Variants in CUL5 observed in about 807,000 individuals in gnomAD.
The protein encoded by CUL5 is cullin 5.
In CUL5, 26 loss-of-function variants were observed where a neutral mutation model predicts 108.8. The observed-to-expected ratio is 0.24, with a 90% CI of 0.18 to 0.33. The LOEUF (loss-of-function observed/expected upper bound fraction) is 0.33, where lower values mean the gene tolerates loss of function less well. Ranked by LOEUF, CUL5 falls within the 10% of genes least tolerant of loss-of-function variation. The pLI, the probability that CUL5 is intolerant of heterozygous loss-of-function variation, is 1.00. For synonymous variants in CUL5, 334 were observed against 298.0 expected (o/e 1.12, Z -1.25); for missense variants, 524 against 909.2 (o/e 0.58, Z 5.45).
chr11:108,094,529 T>C lies in CUL5; in HGVS notation c.1567+15T>C. The C allele has an allele frequency of 7.9e-7, 1 of 1,260,286 alleles. No individual in the cohort carries two copies. The allele number at this position is 1,260,286 out of a possible 1,614,324, so 78.1% of individuals were successfully genotyped here. A position where few individuals can be genotyped will look rare whatever the true frequency, so the allele number is the denominator to read the frequency against. ...GGCATTACCAGGTATTATTTTATAA[T>C]TACATGTATATATTTTTTAAACTTA... is the stretch of plus-strand genomic sequence containing the variant. On this transcript the variant is annotated intron_variant, in intron 14 of 18. Coordinates refer to ENST00000393094, the MANE Select transcript of CUL5 (RefSeq NM_003478.6).
intron 11 of CUL5, among the ~76,000 whole-genome samples, chr11:108,081,711 T>C (rs978274855): frequency 1.5e-4 from 23 of 151,242 alleles, no homozygotes; most frequent in Non-Finnish European, 3.4e-4. Flanking sequence ...GAGATGGCGC[T>C]ACTGCACTCC....
At chr11:108,055,066 G>A in intron 7 of CUL5, 111 bp downstream of exon 7, 2 of 843,312 alleles carry the variant, frequency 2.4e-6, no homozygotes, top group Non-Finnish European at 3.6e-6. Context: ...ATTGTTAATT[G>A]ATTTTAGTTC....
chr11:108,054,560 T>C, intron 5 of CUL5, 87 bp from the exon 6 acceptor site: 1 of 890,230 alleles, frequency 1.1e-6, no homozygotes, highest in Non-Finnish European at 1.7e-6. Flanking sequence ...TTGCACATAA[T>C]GACTCCTCAA....
At position 108,085,659 on chromosome 11, in the gene CUL5, G is replaced by C. The variant is rs1864202422; in HGVS notation, c.1179-2868G>C. Among the ~76,000 whole-genome samples the C allele has an allele frequency of 2.0e-5, 3 of 152,170 alleles. No homozygotes were observed. In the South Asian group the frequency reaches 6.2e-4, roughly 32 times the overall value. On this transcript the variant is annotated intron_variant, in intron 11 of 18. Transcript: ENST00000393094. ...ATGCTGTGACACATGGATGAATCTT[G>C]AAAACTTGATGCTAAGTAAAAGAAG...
intron 11 of CUL5, among the ~76,000 whole-genome samples, chr11:108,082,326 G>A (rs1864108710): frequency 6.6e-6 from 1 of 150,512 alleles, no homozygotes; most frequent in African/African-American, 2.4e-5. Flanking sequence ...TGTCACCGAG[G>A]CTGGAGTGCA....
intron 8 of CUL5, among the ~76,000 whole-genome samples, 153 bp from the exon 9 acceptor site, chr11:108,072,178 CA>C (rs977479083): frequency 6.6e-6 from 1 of 151,710 alleles, no homozygotes; most frequent in Non-Finnish European, 1.5e-5. Flanking sequence ...GACCCTGTCT[CA>C]AAAACAAAAA....
intron 7 of CUL5, among the ~76,000 whole-genome samples, chr11:108,063,893 A>G (rs1027749227): frequency 1.3e-5 from 2 of 152,116 alleles, no homozygotes; most frequent in Non-Finnish European, 2.9e-5. Context: ...TCTCACCAAT[A>G]TTTGTTATTG....
chr11:108,094,487 C>A lies in CUL5; in HGVS notation c.1540C>A (p.His514Asn). Residue 514 changes from histidine to asparagine, a missense_variant, in exon 14 of 19, where the codon CAC becomes AAC. Physicochemically the swap from His to Asn is moderately conservative, Grantham distance 68 (BLOSUM62 1). Transcript: ENST00000393094. ...EDLNQAFKEM[H>N]KNNKLALPAD... The stretch of plus-strand genomic sequence containing the variant: ...TTTGAACCAAGCTTTTAAGGAAATG[C>A]ACAAAAATAATAAATTGGCATTACC... The A allele has an allele frequency of 6.8e-7, 1 of 1,481,176 alleles. No individual in the cohort carries two copies. The allele number at this position is 1,481,176 out of a possible 1,614,324, so 91.8% of individuals were successfully genotyped here.
intron 11 of CUL5, among the ~76,000 whole-genome samples, chr11:108,086,080 G>T (rs2135218591): frequency 6.6e-6 from 1 of 152,198 alleles, no homozygotes; most frequent in South Asian, 2.1e-4. Context: ...ATATATAATT[G>T]GAGTCATAGA....
At chr11:108,073,119 G>A (rs1192425143) in intron 9 of CUL5, among the ~76,000 whole-genome samples, 2 of 151,490 alleles carry the variant, frequency 1.3e-5, no homozygotes, top group East Asian at 2.0e-4. Flanking sequence ...GGAGAATGGC[G>A]TGAACCCAGG....
At chr11:108,019,411 G>A (rs148917798) in intron 1 of CUL5, among the ~76,000 whole-genome samples, 4 of 152,130 alleles carry the variant, frequency 2.6e-5, no homozygotes, top group South Asian at 2.1e-4. Context: ...TCTAAAATAC[G>A]ACAACTGAGT....
chr11:108,040,786 A>G (rs1023295697), intron 2 of CUL5, among the ~76,000 whole-genome samples: 2 of 152,136 alleles, frequency 1.3e-5, no homozygotes, highest in African/African-American at 4.8e-5. Flanking sequence ...CTCAACAAAA[A>G]AAAAAGTACA....
rs1591328003 is a variant in CUL5, at chr11:108,088,401, C to T, written c.1179-126C>T. The T allele has an allele frequency of 3.8e-6, 4 of 1,042,194 alleles. No individual in the cohort carries two copies. In the African/African-American group the frequency reaches 6.5e-5, roughly 17 times the overall value. 64.6% of individuals were successfully genotyped at this position (1,042,194 alleles called of 1,614,324 possible). A position where few individuals can be genotyped will look rare whatever the true frequency, so the allele number is the denominator to read the frequency against. ...AGGCACCCTAGGATGCTTGCTTATCCTAGTTCCAAACCTGATCACTAGATT... is the reference window on the plus strand; with the variant it reads ...AGGCACCCTAGGATGCTTGCTTATCTTAGTTCCAAACCTGATCACTAGATT... On this transcript the variant is annotated intron_variant, in intron 11 of 18. Transcript: ENST00000393094.
Position 108,063,783 on chromosome 11 carries a change from T to G in CUL5, c.781-6313T>G, listed in dbSNP as rs1043880326. Among the ~76,000 whole-genome samples the G allele has an allele frequency of 2.0e-5, 3 of 152,144 alleles. 1 individual carries two copies. Among genetic ancestry groups the G allele is most frequent in the Admixed American group, 2.0e-4 (3 of 15,266 alleles). On this transcript the variant is annotated intron_variant, in intron 7 of 18. Coordinates refer to ENST00000393094, the MANE Select transcript of CUL5 (RefSeq NM_003478.6). ...TGGGATTGCTGGATCATAAGGTAGC[T>G]CTGTATTAGTTTTTTGAGGAACCTC...
chr11:108,079,970 A>T (rs1179324055), intron 11 of CUL5, among the ~76,000 whole-genome samples: 1 of 152,146 alleles, frequency 6.6e-6, no homozygotes, highest in South Asian at 2.1e-4. Flanking sequence ...CCACCAATAG[A>T]GTATGAGAGT....
At chr11:108,024,997 A>G (rs1263135573) in intron 1 of CUL5, among the ~76,000 whole-genome samples, 2 of 152,134 alleles carry the variant, frequency 1.3e-5, no homozygotes, top group Non-Finnish European at 2.9e-5. Context: ...CTGCTACCTC[A>G]TTGTTTAATG....
rs76807653 is a variant in CUL5 at position 108,093,200 on chromosome 11, C to T, written c.1444-1191C>T. 3.1e-3 allele frequency among the ~76,000 whole-genome samples: 474 copies of T among 152,236 alleles called. 6 individuals are homozygous for T. Among genetic ancestry groups the T allele is most frequent in the African/African-American group, 9.9e-3 (413 of 41,542 alleles). On this transcript the variant is annotated intron_variant, in intron 13 of 18. Transcript: ENST00000393094. ...AAAGAGTAGTTTGAATAGCTTTTGC[C>T]TTCTTGTGTAACTTGACAGAGTAAG...
chr11:108,078,509 A>G (rs1275728257), intron 11 of CUL5, among the ~76,000 whole-genome samples: 3 of 152,150 alleles, frequency 2.0e-5, no homozygotes, highest in Non-Finnish European at 2.9e-5. Flanking sequence ...CACTAAAAGT[A>G]TTCTATTACC....
In CUL5 at chr11:108,034,121, A is replaced by T. The variant is rs964985432; in HGVS notation, c.134+210A>T. On this transcript the variant is annotated intron_variant, in intron 2 of 18. Coordinates refer to ENST00000393094, the MANE Select transcript of CUL5 (RefSeq NM_003478.6). ...ACATACAATCATACTCACAGCTTTG[A>T]GTCATTACAGTGAAGGGATCCAAAG... Among the ~76,000 whole-genome samples, 9 of 152,298 alleles carry T rather than the reference A, an allele frequency of 5.9e-5. No homozygotes were observed. In the East Asian group the frequency reaches 1.5e-3, roughly 26 times the overall value.
Sources: allele counts gnomAD v4.1 joint callset (sites outside exome capture counted in the v4.1 genomes callset), GRCh38; gene constraint gnomAD v4.1.1; transcripts MANE v1.5; gene names NCBI Gene and HGNC (gene_info 2026-07-23, HGNC 2026-07-21).